Variants in STX8 observed in about 807,000 individuals in gnomAD.
STX8 encodes syntaxin-8.
A neutral mutation model predicts 37.5 loss-of-function variants in STX8; 23 were observed. The ratio of observed to expected loss-of-function variants is 0.61; its 90% confidence interval spans 0.44 to 0.87. The LOEUF (loss-of-function observed/expected upper bound fraction) is 0.87, where lower values mean the gene tolerates loss of function less well. Among genes scored for constraint, STX8 ranks in the 40% least tolerant of loss-of-function variants. The probability of loss-of-function intolerance (pLI) is 0.00; values close to 1 mark genes in which losing one functional copy is unlikely to be tolerated. For synonymous variants in STX8, 115 were observed against 99.1 expected, an observed-to-expected ratio of 1.16 and a Z score of -0.95; for missense variants, 313 against 284.7, an observed-to-expected ratio of 1.10 and a Z score of -0.71.
chr17:9,254,680 G>A (rs1048995207), intron 7 of STX8, among the ~76,000 whole-genome samples: 1 of 152,102 alleles, frequency 6.6e-6, no homozygotes, highest in Non-Finnish European at 1.5e-5. Context: ...ACAGGCGTGA[G>A]CCACCGCGCC....
chr17:9,440,153 A>G (rs1904588174), intron 6 of STX8, among the ~76,000 whole-genome samples: 1 of 152,198 alleles, frequency 6.6e-6, no homozygotes, highest in Non-Finnish European at 1.5e-5. Context: ...AATTATTTCT[A>G]TAATGGTTTC....
At chr17:9,513,868 C>A (rs2142512292) in intron 4 of STX8, among the ~76,000 whole-genome samples, 1 of 152,292 alleles carries the variant, frequency 6.6e-6, no homozygotes, top group South Asian at 2.1e-4. Flanking sequence ...CCATTCACAG[C>A]AACATGGATG....
At chr17:9,497,733 T>G (rs1436776920) in intron 5 of STX8, among the ~76,000 whole-genome samples, 1 of 152,246 alleles carries the variant, frequency 6.6e-6, no homozygotes, top group Non-Finnish European at 1.5e-5. Context: ...GACTGTCTTC[T>G]TTTCCTGTGT....
At chr17:9,497,237 G>A (rs1369956116) in intron 5 of STX8, among the ~76,000 whole-genome samples, 2 of 152,120 alleles carry the variant, frequency 1.3e-5, no homozygotes, top group Non-Finnish European at 2.9e-5. Flanking sequence ...CAATGTATGG[G>A]CCATATTTAG....
At chr17:9,557,396 C>T in intron 3 of STX8, 38 bp downstream of exon 3, 1 of 1,549,336 alleles carries the variant, frequency 6.5e-7, no homozygotes, top group Non-Finnish European at 8.9e-7. Context: ...GCTTTTCCTC[C>T]CACTCTAGAA....
chr17:9,302,384 A>G (rs1469929238), intron 7 of STX8, among the ~76,000 whole-genome samples: 1 of 152,096 alleles, frequency 6.6e-6, no homozygotes, highest in Non-Finnish European at 1.5e-5. Context: ...CCTACTGTTT[A>G]TATGCTTTCA....
chr17:9,282,314 A>G (rs1395342706), intron 7 of STX8, among the ~76,000 whole-genome samples: 1 of 152,042 alleles, frequency 6.6e-6, no homozygotes, highest in Non-Finnish European at 1.5e-5. Context: ...TTGTATTTTT[A>G]GTAGAGACAG....
chr17:9,339,362 A>G (rs1301839322), intron 7 of STX8, among the ~76,000 whole-genome samples: 1 of 152,126 alleles, frequency 6.6e-6, no homozygotes, highest in African/African-American at 2.4e-5. Context: ...CCAGTATAAA[A>G]GGACTCCTCA....
At chr17:9,291,521 C>T (rs1908312244) in intron 7 of STX8, among the ~76,000 whole-genome samples, 1 of 150,410 alleles carries the variant, frequency 6.6e-6, no homozygotes. Flanking sequence ...ATTTCCCTTT[C>T]TGTGTTGGTT....
intron 5 of STX8, among the ~76,000 whole-genome samples, chr17:9,504,110 G>A (rs1413750730): frequency 6.6e-6 from 1 of 151,964 alleles, no homozygotes; most frequent in Non-Finnish European, 1.5e-5. Context: ...TATATATATG[G>A]AGAGAGCTAA....
Position 9,412,068 on chromosome 17 carries a change from TA to T in STX8, c.542-33416del, listed in dbSNP as rs112126014. ...CAATTAAATATTAAAGTCCTAGTAG[TA>T]AAAAGTGAGTATTCAGTCAACTTGA... On this transcript the variant is annotated intron_variant, in intron 6 of 7. Transcript: ENST00000306357. Among the ~76,000 whole-genome samples, 797 of 152,210 alleles carry T rather than the reference TA, an allele frequency of 5.2e-3. 8 individuals carry two copies. The highest frequency in any genetic ancestry group is 0.018 in the African/African-American group (751 of 41,530).
At chr17:9,423,175 C>T (rs1419471881) in intron 6 of STX8, among the ~76,000 whole-genome samples, 3 of 152,204 alleles carry the variant, frequency 2.0e-5, no homozygotes, top group Non-Finnish European at 1.5e-5. Flanking sequence ...CCTTTCTGCA[C>T]TATCTGTAAT....
At chr17:9,544,819 C>A (rs930001918) in intron 4 of STX8, among the ~76,000 whole-genome samples, 1 of 151,994 alleles carries the variant, frequency 6.6e-6, no homozygotes, top group African/African-American at 2.4e-5. Flanking sequence ...GGTGAAACCC[C>A]ATCTCTACTA....
At chr17:9,559,282 T>G (rs1206410143) in intron 2 of STX8, among the ~76,000 whole-genome samples, 3 of 152,146 alleles carry the variant, frequency 2.0e-5, no homozygotes, top group Admixed American at 6.5e-5. Flanking sequence ...CTGACAGAGA[T>G]AACCACATGT....
chr17:9,269,044 G>C lies in STX8; in HGVS notation c.644-18399C>G, dbSNP rs577403320. On this transcript the variant is annotated intron_variant, in intron 7 of 7. Coordinates refer to ENST00000306357, the MANE Select transcript of STX8 (RefSeq NM_004853.3). ...CTACTAAAAATACAAAAAATTAGCT[G>C]GGCATGGTGGCGGGCGCCTGTAGTC... 4.1e-4 allele frequency among the ~76,000 whole-genome samples: 62 copies of C among 152,240 alleles called. No homozygotes were observed. In the Middle Eastern group the frequency reaches 0.017, roughly 42 times the overall value.
intron 6 of STX8, among the ~76,000 whole-genome samples, chr17:9,445,237 C>T (rs1029098562): frequency 2.0e-5 from 3 of 151,956 alleles, no homozygotes; most frequent in African/African-American, 7.3e-5. Context: ...AAAATGAATA[C>T]CTATTGGCAC....
intron 7 of STX8, among the ~76,000 whole-genome samples, chr17:9,332,630 G>C (rs1909999045): frequency 6.6e-6 from 1 of 152,208 alleles, no homozygotes; most frequent in African/African-American, 2.4e-5. Flanking sequence ...CCATTGTCTA[G>C]TGACAATCTT....
chr17:9,490,335 C>T (rs1318747748), intron 6 of STX8, among the ~76,000 whole-genome samples: 1 of 152,054 alleles, frequency 6.6e-6, no homozygotes, highest in Non-Finnish European at 1.5e-5. Flanking sequence ...AGCAGGTGTT[C>T]GTCTATCCCC....
intron 6 of STX8, chr17:9,469,723 T>C (rs978935214): frequency 1.3e-5 from 2 of 151,848 alleles, no homozygotes; most frequent in Non-Finnish European, 2.9e-5. Context: ...CAAAAGAAAA[T>C]GGTAAAATGA....
Sources: allele counts gnomAD v4.1 joint callset (sites outside exome capture counted in the v4.1 genomes callset), GRCh38; gene constraint gnomAD v4.1.1; transcripts MANE v1.5; gene names NCBI Gene and HGNC (gene_info 2026-07-23, HGNC 2026-07-21).